The following AGBL2 variants were observed in gnomAD, a reference collection of about 807,000 sequenced individuals.
AGBL2 encodes cytosolic carboxypeptidase 2.
Under a neutral mutation model 103.0 loss-of-function variants are expected in AGBL2, and 87 were observed. That is an observed-to-expected ratio of 0.84 (90% CI 0.71 to 1.01). The LOEUF (loss-of-function observed/expected upper bound fraction) is 1.01, where lower values mean the gene tolerates loss of function less well. Among genes scored for constraint, AGBL2 ranks in the 50% least tolerant of loss-of-function variants. The probability of loss-of-function intolerance (pLI) is 0.00; values close to 1 mark genes in which losing one functional copy is unlikely to be tolerated. For synonymous variants in AGBL2, 335 were observed against 356.7 expected (o/e 0.94, Z 0.69); for missense variants, 904 against 1,023.5 (o/e 0.88, Z 1.59).
At chr11:47,665,934 G>T (rs942887315) in intron 17 of AGBL2, among the ~76,000 whole-genome samples, 2 of 151,780 alleles carry the variant, frequency 1.3e-5, no homozygotes, top group African/African-American at 2.4e-5. Context: ...ACTTGAACCC[G>T]GGAAGTGGAG....
chr11:47,696,024 A>AG (rs1565068793), intron 8 of AGBL2, among the ~76,000 whole-genome samples: 2 of 32,968 alleles, frequency 6.1e-5, no homozygotes, highest in African/African-American at 2.4e-4. Flanking sequence ...AAAAAAAAAA[A>AG]AAAAAAAAAA....
At chr11:47,667,494 C>T (rs552371605) in intron 16 of AGBL2, 77 bp downstream of exon 16, 7 of 1,544,300 alleles carry the variant, frequency 4.5e-6, no homozygotes, top group Non-Finnish European at 6.1e-6. Flanking sequence ...TTAGAGTAAA[C>T]TTTAACCCCC....
At chr11:47,689,367 C>T (rs1293620795) in intron 10 of AGBL2, among the ~76,000 whole-genome samples, 6 of 147,890 alleles carry the variant, frequency 4.1e-5, no homozygotes, top group South Asian at 4.3e-4. Context: ...TGCAGTGGCA[C>T]GCTCTTGGCT....
In AGBL2 at chr11:47,664,668, C is replaced by G. The variant is rs181412792; in HGVS notation, c.2449-1556G>C. On this transcript the variant is annotated intron_variant, in intron 17 of 18. Coordinates refer to ENST00000525123, the MANE Select transcript of AGBL2 (RefSeq NM_024783.4). ...CCTCGTGATCCGCCTGCCTCAGCCT[C>G]CCAAAGTGTTGGGATTGCAGGCATG... 2.0e-3 allele frequency among the ~76,000 whole-genome samples: 303 copies of G among 152,256 alleles called. 1 individual carries two copies. The highest frequency in any genetic ancestry group is 5.4e-3 in the Admixed American group (82 of 15,270).
At chr11:47,706,234 C>T (rs941445960) in intron 4 of AGBL2, among the ~76,000 whole-genome samples, 4 of 151,908 alleles carry the variant, frequency 2.6e-5, no homozygotes, top group African/African-American at 4.8e-5. Context: ...CCAGCCTGGC[C>T]GGCTGGGCGC....
intron 10 of AGBL2, among the ~76,000 whole-genome samples, chr11:47,687,336 G>C (rs1168872258): frequency 1.3e-5 from 2 of 151,642 alleles, no homozygotes; most frequent in African/African-American, 2.4e-5. Flanking sequence ...TATCAACAGA[G>C]GGGACAGTAT....
chr11:47,682,188 G>A, intron 11 of AGBL2, 93 bp from the exon 12 acceptor site: 2 of 1,264,792 alleles, frequency 1.6e-6, no homozygotes, highest in African/African-American at 1.5e-5. Flanking sequence ...ATTTCCTTGG[G>A]GTCCATATGT....
At chr11:47,684,023 C>T (rs1314274136) in intron 11 of AGBL2, among the ~76,000 whole-genome samples, 5 of 151,564 alleles carry the variant, frequency 3.3e-5, no homozygotes, top group Admixed American at 1.3e-4. Context: ...GAGACCAAGG[C>T]GGGCAGATCA....
At chr11:47,661,622 A>T (rs935514043) in intron 18 of AGBL2, among the ~76,000 whole-genome samples, 2 of 152,168 alleles carry the variant, frequency 1.3e-5, no homozygotes, top group Non-Finnish European at 2.9e-5. Context: ...TGGGAGAACC[A>T]TCTACTCTAT....
intron 8 of AGBL2, among the ~76,000 whole-genome samples, chr11:47,694,303 G>A (rs1212764423): frequency 1.3e-5 from 2 of 151,640 alleles, no homozygotes; most frequent in Non-Finnish European, 2.9e-5. Context: ...TCAACACTAA[G>A]TCAGGCTGCC....
chr11:47,700,702 A>C (rs1308291306), intron 7 of AGBL2, among the ~76,000 whole-genome samples: 1 of 152,212 alleles, frequency 6.6e-6, no homozygotes, highest in Admixed American at 6.5e-5. Context: ...GCATATAAAG[A>C]TACACCTCAG....
At chr11:47,687,017 T>A in intron 10 of AGBL2, among the ~76,000 whole-genome samples, 1 of 129,056 alleles carries the variant, frequency 7.7e-6, no homozygotes, top group Admixed American at 7.9e-5. Context: ...TTAGGAGATA[T>A]ACCTAATGCT....
chr11:47,702,225 A>C (rs2097501959), intron 7 of AGBL2, among the ~76,000 whole-genome samples: 1 of 152,154 alleles, frequency 6.6e-6, no homozygotes, highest in Non-Finnish European at 1.5e-5. Context: ...TCTTGTTTTT[A>C]ATGCTCAATG....
At position 47,699,467 on chromosome 11, in the gene AGBL2, C is replaced by G. The variant is rs745670607; in HGVS notation, c.673G>C (p.Val225Leu). Residue 225 changes from valine to leucine, a missense_variant, in exon 8 of 19, where the codon GTT becomes CTT. Transcript: ENST00000525123. ...PEIVGEKKGTVVYQLDSVPIE... is the reference protein window; with the variant it reads ...PEIVGEKKGTLVYQLDSVPIE... The stretch of plus-strand genomic sequence containing the variant: ...ATACCTGAATCTAATTGATAGACAA[C>G]TGTTCCTTTTTTCTCTCCTACAATC... 1 of 1,586,498 alleles carries G rather than the reference C, an allele frequency of 6.3e-7. No individual in the cohort carries two copies. Among genetic ancestry groups the G allele is most frequent in the Non-Finnish European group, 8.6e-7 (1 of 1,157,348 alleles).
In AGBL2 at chr11:47,682,219, A is replaced by G. The variant is rs375880245; in HGVS notation, c.1789-124T>C. The G allele has an allele frequency of 3.8e-3, 3,672 of 976,182 alleles. 122 individuals are homozygous for G. In the South Asian group the frequency reaches 0.057, roughly 15 times the overall value. The allele number at this position is 976,182 out of a possible 1,614,324, so 60.5% of individuals were successfully genotyped here. A position where few individuals can be genotyped will look rare whatever the true frequency, so the allele number is the denominator to read the frequency against. On this transcript the variant is annotated intron_variant, in intron 11 of 18. Transcript: ENST00000525123. ...TATGTTATTTCCCAAAGCATGTTCC[A>G]CAAAATACTAATTTGGAGGGATGTT...
intron 3 of AGBL2, 199 bp downstream of exon 3, chr11:47,714,085 A>G: frequency 1.8e-6 from 1 of 566,292 alleles, no homozygotes; most frequent in South Asian, 2.1e-5. Flanking sequence ...CTTTGTATTA[A>G]GTGATGCTGT....
At chr11:47,701,226 T>G (rs2153804973) in intron 7 of AGBL2, among the ~76,000 whole-genome samples, 1 of 152,026 alleles carries the variant, frequency 6.6e-6, no homozygotes, top group East Asian at 1.9e-4. Context: ...ATCCCAGCAC[T>G]TTGGGAGGCC....
Position 47,660,066 on chromosome 11 carries a change from T to C in AGBL2, c.*107A>G, listed in dbSNP as rs2097324159. Reference sequence around the variant, plus strand: ...GTCAGTGCATGAGTGCACAACACAGTATACCACAAGTAAATGCAGTTCCCA... The same window carrying C: ...GTCAGTGCATGAGTGCACAACACAGCATACCACAAGTAAATGCAGTTCCCA... On this transcript the variant is annotated 3_prime_UTR_variant, in exon 19 of 19. Coordinates refer to ENST00000525123, the MANE Select transcript of AGBL2 (RefSeq NM_024783.4). 2.4e-6 allele frequency: 3 copies of C among 1,274,160 alleles called. No homozygotes were observed. In the African/African-American group the frequency reaches 4.5e-5, roughly 19 times the overall value. 78.9% of individuals were successfully genotyped at this position (1,274,160 alleles called of 1,614,324 possible).
At chr11:47,712,323 CT>C (rs1193804973) in intron 3 of AGBL2, among the ~76,000 whole-genome samples, 1 of 151,970 alleles carries the variant, frequency 6.6e-6, no homozygotes. Context: ...TAACAACATT[CT>C]TTGATAGAAA....
Sources: gnomAD v4.1 joint callset for allele counts (sites outside exome capture counted in the v4.1 genomes callset) on GRCh38, gnomAD v4.1.1 for gene constraint, MANE v1.5 for transcripts, NCBI Gene and HGNC (gene_info 2026-07-23, HGNC 2026-07-21) for gene names.